MYPN: variants seen among roughly 807,000 people sequenced by gnomAD.
MYPN encodes the protein sarcomeric protein myopalladin, 145 kDa (MYOP).
MYPN carries 63 observed loss-of-function variants against 129.4 expected under a neutral mutation model. That is an observed-to-expected ratio of 0.49 (90% CI 0.40 to 0.60). The LOEUF (loss-of-function observed/expected upper bound fraction) is 0.60, where lower values mean the gene tolerates loss of function less well. Among genes scored for constraint, MYPN ranks in the 20% least tolerant of loss-of-function variants. The pLI is 0.00. For missense variants in MYPN, 1,596 were observed against 1,635.4 expected (o/e 0.98, Z 0.42); for synonymous variants, 629 against 600.9 (o/e 1.05, Z -0.68).
chr10:68,096,296 A>G (rs905061641), intron 1 of MYPN, among the ~76,000 whole-genome samples: 1 of 152,208 alleles, frequency 6.6e-6, no homozygotes, highest in African/African-American at 2.4e-5. Context: ...TATGTGAAAC[A>G]TGAGTATTAA....
chr10:68,140,122 G>A (rs1010797649), intron 2 of MYPN, among the ~76,000 whole-genome samples: 2 of 152,172 alleles, frequency 1.3e-5, no homozygotes, highest in Admixed American at 1.3e-4. Flanking sequence ...AAAGGTCTGG[G>A]GGAGGAGGGT....
chr10:68,192,073 T>C (rs2134268737), intron 13 of MYPN, among the ~76,000 whole-genome samples: 1 of 152,326 alleles, frequency 6.6e-6, no homozygotes, highest in East Asian at 1.9e-4. Flanking sequence ...CATCTTTGTC[T>C]TGTTCCTGAT....
chr10:68,111,867 A>C (rs149957584), intron 1 of MYPN, among the ~76,000 whole-genome samples: 1,563 of 152,334 alleles, frequency 0.01, 14 homozygotes, highest in Middle Eastern at 0.034. Context: ...CTTGATCTTG[A>C]GATCCCTTGG....
At chr10:68,115,524 A>G (rs1419593188) in intron 1 of MYPN, among the ~76,000 whole-genome samples, 1 of 152,126 alleles carries the variant, frequency 6.6e-6, no homozygotes, top group East Asian at 1.9e-4. Context: ...GCCATCTCCC[A>G]TGGCTACCGC....
intron 7 of MYPN, among the ~76,000 whole-genome samples, chr10:68,160,772 CTGAGTGTGG>C (rs1160370084): frequency 6.6e-6 from 1 of 152,054 alleles, no homozygotes; most frequent in Non-Finnish European, 1.5e-5. Flanking sequence ...CAAAACTTAG[CTGAGTGTGG>C]TGACAGGTGC....
intron 6 of MYPN, among the ~76,000 whole-genome samples, chr10:68,156,683 C>T (rs548886720): frequency 3.9e-5 from 6 of 152,238 alleles, no homozygotes; most frequent in African/African-American, 1.2e-4. Context: ...CTATTAAGTA[C>T]GATAGGACCA....
At chr10:68,207,314 G>A (rs1364491033) in intron 19 of MYPN, among the ~76,000 whole-genome samples, 1 of 152,116 alleles carries the variant, frequency 6.6e-6, no homozygotes, top group Non-Finnish European at 1.5e-5. Context: ...GAATCGGGTA[G>A]ACTATACTAT....
At chr10:68,116,172 A>G (rs1232038174) in intron 1 of MYPN, among the ~76,000 whole-genome samples, 1 of 152,228 alleles carries the variant, frequency 6.6e-6, no homozygotes, top group Non-Finnish European at 1.5e-5. Context: ...TATTGGATGA[A>G]TAAATGAATT....
At chr10:68,128,991 CCT>C (rs397769961) in intron 2 of MYPN, among the ~76,000 whole-genome samples, 9 of 150,772 alleles carry the variant, frequency 6.0e-5, no homozygotes, top group African/African-American at 2.2e-4. Flanking sequence ...GATTCTCTCT[CCT>C]CTCTCTCTCT....
intron 7 of MYPN, 119 bp downstream of exon 7, chr10:68,158,746 C>G (rs1440562801): frequency 1.3e-6 from 1 of 743,446 alleles, no homozygotes; most frequent in African/African-American, 1.8e-5. Flanking sequence ...ATAAAAAACA[C>G]CTGTAATCAT....
At chr10:68,206,367 T>C (rs1007185423) in intron 18 of MYPN, among the ~76,000 whole-genome samples, 12 of 152,178 alleles carry the variant, frequency 7.9e-5, no homozygotes, top group Middle Eastern at 3.2e-3. Context: ...CATTAGGAAA[T>C]GCCGTCTATG....
intron 1 of MYPN, 62 bp downstream of exon 1, chr10:68,109,785 C>A: frequency 2.4e-6 from 1 of 411,874 alleles, no homozygotes; most frequent in Non-Finnish European, 4.9e-6. Flanking sequence ...AGTGGAAAAG[C>A]GAATATTTCA....
In MYPN at chr10:68,189,300, T is replaced by G. The variant is rs61857180; in HGVS notation, c.2925+174T>G. 0.18 allele frequency among the ~76,000 whole-genome samples: 27,871 copies of G among 152,172 alleles called. 2,947 individuals carry two copies. Among genetic ancestry groups the G allele is most frequent in the Middle Eastern group, 0.26 (77 of 294 alleles). On this transcript the variant is annotated intron_variant, in intron 13 of 19. Transcript: ENST00000358913. Reference sequence around the variant, plus strand: ...AATATTTTGATACATGTATACAATGTGTAATGATCAAATCAGGATAACTGA... The same window carrying G: ...AATATTTTGATACATGTATACAATGGGTAATGATCAAATCAGGATAACTGA...
chr10:68,206,878 G>A lies in MYPN; in HGVS notation c.3768G>A (p.Ser1256=), dbSNP rs533708375. Residue 1256 remains serine, a synonymous_variant, in exon 19 of 20, where the codon TCG becomes TCA. Coordinates refer to ENST00000358913, the MANE Select transcript of MYPN (RefSeq NM_032578.4). ...CCAAGAATGAAGCCGGCATCGTGTC[G>A]TGCACTGCCAGGCTGGATATATACG... ...LSAKNEAGIV[S]CTARLDIYAQ... The A allele has an allele frequency of 2.0e-4, 328 of 1,614,192 alleles. 1 individual carries two copies. The South Asian group carries it at 3.0e-3, about 15-fold the overall frequency.
chr10:68,206,766 C>T lies in MYPN; in HGVS notation c.3660-4C>T. ...ATATAGGTATATTCTCTCTTTTTCT[C>T]CAGTATGCACCAGGACACAACAGGG... is the stretch of plus-strand genomic sequence containing the variant. On this transcript the variant is annotated splice_region_variant and splice_polypyrimidine_tract_variant and intron_variant, in intron 18 of 19. Transcript: ENST00000358913. 4 of 1,614,138 alleles carry T rather than the reference C, an allele frequency of 2.5e-6. No individual in the cohort carries two copies. The highest frequency in any genetic ancestry group is 3.4e-6 in the Non-Finnish European group (4 of 1,180,014).
In MYPN at chr10:68,174,622, A is replaced by G. The variant is rs2134201696; in HGVS notation, c.2530A>G (p.Asn844Asp). 1.2e-6 allele frequency: 2 copies of G among 1,614,002 alleles called. No individual in the cohort carries two copies. The highest frequency in any genetic ancestry group is 1.7e-6 in the Non-Finnish European group (2 of 1,179,978). ...TTCTCTCCCTGCCATCCCACCCACA[A>G]ATGCCATGGGGCTGCCTAGAAGTGC... ...LPSLPAIPPT[N>D]AMGLPRSAPS... The change falls in exon 11 of 20, where the codon AAT becomes GAT. Residue 844 changes from asparagine to aspartate, a missense_variant. Asn to Asp is a conservative substitution (Grantham distance 23, BLOSUM62 1). Coordinates refer to ENST00000358913, the MANE Select transcript of MYPN (RefSeq NM_032578.4).
At chr10:68,138,959 A>C (rs1478455027) in intron 2 of MYPN, among the ~76,000 whole-genome samples, 1 of 152,118 alleles carries the variant, frequency 6.6e-6, no homozygotes, top group African/African-American at 2.4e-5. Context: ...TTTCTATTGC[A>C]AATTTGTCTT....
At position 68,186,549 on chromosome 10, in the gene MYPN, G is replaced by A. The variant is rs1316134074; in HGVS notation, c.2704-2356G>A. Among the ~76,000 whole-genome samples, 3 of 152,194 alleles carry A rather than the reference G, an allele frequency of 2.0e-5. No homozygotes were observed. The East Asian group carries it at 5.8e-4, about 29-fold the overall frequency. ...TAAATTATAAAATTAGGGTTAACTAGAGTCATAAATTTAACCAAAGGTCTC... is the reference window on the plus strand; with the variant it reads ...TAAATTATAAAATTAGGGTTAACTAAAGTCATAAATTTAACCAAAGGTCTC... On this transcript the variant is annotated intron_variant, in intron 12 of 19. Transcript: ENST00000358913.
chr10:68,169,457 C>G (rs918126452), intron 10 of MYPN, among the ~76,000 whole-genome samples: 24 of 151,944 alleles, frequency 1.6e-4, no homozygotes, highest in Non-Finnish European at 3.4e-4. Flanking sequence ...TCAGGTACGT[C>G]GGTTAGGATT....
Sources: allele counts gnomAD v4.1 joint callset (sites outside exome capture counted in the v4.1 genomes callset), GRCh38; gene constraint gnomAD v4.1.1; transcripts MANE v1.5; gene names NCBI Gene and HGNC (gene_info 2026-07-23, HGNC 2026-07-21).